The following CROCC variants were observed in gnomAD, a reference collection of about 807,000 sequenced individuals.
CROCC encodes the protein ciliary rootlet coiled-coil, rootletin, also known as rootletin.
Under a neutral mutation model 245.2 loss-of-function variants are expected in CROCC, and 180 were observed. That is an observed-to-expected ratio of 0.73 (90% CI 0.65 to 0.83). The LOEUF (loss-of-function observed/expected upper bound fraction) is 0.83. Among genes scored for constraint, CROCC ranks in the 40% least tolerant of loss-of-function variants. The probability of loss-of-function intolerance (pLI) is 0.00; values close to 1 mark genes in which losing one functional copy is unlikely to be tolerated. For synonymous variants in CROCC, 1,205 were observed against 1,241.6 expected (o/e 0.97, Z 0.62); for missense variants, 2,688 against 2,779.4 (o/e 0.97, Z 0.74).
chr1:16,950,924 C>A (rs750234015), intron 19 of CROCC, 29 bp from the exon 20 acceptor site: 1 of 1,492,430 alleles, frequency 6.7e-7, no homozygotes, highest in Non-Finnish European at 8.9e-7. Flanking sequence ...CAACCCAACC[C>A]TGCCCTTTCC....
chr1:16,944,694 G>A (rs1167609138), intron 14 of CROCC, among the ~76,000 whole-genome samples: 1 of 152,220 alleles, frequency 6.6e-6, no homozygotes, highest in Non-Finnish European at 1.5e-5. Flanking sequence ...CCATTTTGTG[G>A]ATGGTAAACT....
chr1:16,954,744 A>G lies in CROCC; in HGVS notation c.3332A>G (p.Asn1111Ser), dbSNP rs1055826612. ...SRQEQDRSTV[N>S]ALTSELRDLR... ...GCCCCTCTGTCCCAGAGCACCGTGA[A>G]CGCTCTGACGTCTGAGCTGCGGGAC... is the stretch of plus-strand genomic sequence containing the variant. The change falls in exon 23 of 37, where the codon AAC becomes AGC. Residue 1111 changes from asparagine (N) to serine (S), a missense_variant. This residue lies in a region of CROCC where 32 missense variants were observed against 54.1 expected (regional missense o/e 0.59). Coordinates refer to ENST00000375541, the MANE Select transcript of CROCC (RefSeq NM_014675.5). This position sits in a 1 kb window ranked among gnomAD's most constrained non-coding sequence, Gnocchi z 4.4. The G allele has an allele frequency of 3.9e-6, 6 of 1,555,102 alleles. No homozygotes were observed. Among genetic ancestry groups the G allele is most frequent in the Non-Finnish European group, 5.2e-6 (6 of 1,150,200 alleles).
At chr1:16,967,415 C>G (rs1158021718) in intron 30 of CROCC, among the ~76,000 whole-genome samples, 1 of 152,224 alleles carries the variant, frequency 6.6e-6, no homozygotes, top group East Asian at 1.9e-4. Flanking sequence ...GGCCTCTGGC[C>G]TGGGGCCGAG....
chr1:16,939,157 G>A lies in CROCC; in HGVS notation c.1608+15G>A. The A allele has an allele frequency of 6.9e-7, 1 of 1,456,466 alleles. No individual in the cohort carries two copies. The highest frequency in any genetic ancestry group is 9.0e-7 in the Non-Finnish European group (1 of 1,114,098). The allele number at this position is 1,456,466 out of a possible 1,614,324, so 90.2% of individuals were successfully genotyped here. A position where few individuals can be genotyped will look rare whatever the true frequency, so the allele number is the denominator to read the frequency against. ...TGCAGGTCCAGGTAGGAAGGGGCTT[G>A]AGCGTTCTGGGCGCAGCCAGAGGCC... On this transcript the variant is annotated intron_variant, in intron 12 of 36. Coordinates refer to ENST00000375541, the MANE Select transcript of CROCC (RefSeq NM_014675.5).
intron 14 of CROCC, 63 bp downstream of exon 14, chr1:16,944,345 C>T: frequency 1.4e-6 from 2 of 1,452,162 alleles, no homozygotes; most frequent in African/African-American, 1.4e-5. Context: ...CCTGACAGTG[C>T]CCCCCTGGGG....
rs2076091289 is a variant in CROCC, at chr1:16,948,198, G to A, written c.2515-133G>A. 9.9e-6 allele frequency: 14 copies of A among 1,407,736 alleles called. No individual in the cohort carries two copies. In the South Asian group the frequency reaches 1.7e-4, roughly 17 times the overall value. 87.2% of individuals were successfully genotyped at this position (1,407,736 alleles called of 1,614,324 possible). ...GTCATGACTTGCCCAAGTACATGTAGCACATCAGGGCAGACCCTGGGCTCA... is the reference window on the plus strand; with the variant it reads ...GTCATGACTTGCCCAAGTACATGTAACACATCAGGGCAGACCCTGGGCTCA... On this transcript the variant is annotated intron_variant, in intron 17 of 36. Coordinates refer to ENST00000375541, the MANE Select transcript of CROCC (RefSeq NM_014675.5).
upstream of CROCC, among the ~76,000 whole-genome samples, chr1:16,921,212 G>T (rs1174059377): frequency 1.3e-5 from 2 of 152,272 alleles, no homozygotes; most frequent in Admixed American, 6.5e-5. Context: ...TACGTAAGAG[G>T]ACACTGAGTC....
At chr1:16,947,309 T>A (rs1257247150) in intron 17 of CROCC, among the ~76,000 whole-genome samples, 3 of 152,164 alleles carry the variant, frequency 2.0e-5, no homozygotes, top group Non-Finnish European at 2.9e-5. Context: ...AAACCCTATC[T>A]CTACAAAAAA....
At chr1:16,920,346 G>T (rs1292089008), upstream of CROCC, among the ~76,000 whole-genome samples, 2 of 152,218 alleles carry the variant, frequency 1.3e-5, no homozygotes, top group Non-Finnish European at 2.9e-5. Context: ...CAAAGTGCTG[G>T]GATTACAGGC....
intron 27 of CROCC, among the ~76,000 whole-genome samples, chr1:16,964,760 G>A (rs1053549286): frequency 5.3e-5 from 8 of 152,196 alleles, no homozygotes. Context: ...TAGGAACACT[G>A]CGAGCTCCGC....
At position 16,969,904 on chromosome 1, in the gene CROCC, G is replaced by C. The variant is rs1316657916; in HGVS notation, c.5421G>C (p.Glu1807Asp). ...CTGACCTGGAACTGCAGCGGGTGGA[G>C]GCCGAGGGCCAGCTACAACAGCTAC... Reference protein sequence around the residue: ...EVADLELQRVEAEGQLQQLRE... With the variant: ...EVADLELQRVDAEGQLQQLRE... Residue 1807 changes from glutamate to aspartate, a missense_variant, in exon 33 of 37, where the codon GAG becomes GAC. This residue lies in a region of CROCC where 1,218 missense variants were observed against 1,286.3 expected (regional missense o/e 0.95). Transcript: ENST00000375541. The C allele has an allele frequency of 1.2e-6, 2 of 1,606,672 alleles. No individual in the cohort carries two copies. Among genetic ancestry groups the C allele is most frequent in the South Asian group, 2.2e-5 (2 of 89,744 alleles).
chr1:16,938,799 G>C (rs1281350799), intron 11 of CROCC, 110 bp from the exon 12 acceptor site: 3 of 1,087,434 alleles, frequency 2.8e-6, no homozygotes, highest in Admixed American at 5.1e-5. Context: ...TCTTGTAAGA[G>C]GCAGCATTTG....
chr1:16,926,835 G>C (rs1227278116), intron 3 of CROCC, among the ~76,000 whole-genome samples: 1 of 152,290 alleles, frequency 6.6e-6, no homozygotes, highest in Non-Finnish European at 1.5e-5. Context: ...GCAGTTGCTA[G>C]GGGAGACAGT....
In CROCC at chr1:16,972,492, A is replaced by T; in HGVS notation, c.*46A>T. ...AACACCCCTGTGCCTGGGACAGGGG[A>T]GGACCCTTCTTTTGGACAGCCCCCC... On this transcript the variant is annotated 3_prime_UTR_variant, in exon 37 of 37. Transcript: ENST00000375541. 72 of 1,322,942 alleles carry T rather than the reference A, an allele frequency of 5.4e-5. No homozygotes were observed. The highest frequency in any genetic ancestry group is 6.9e-5 in the Non-Finnish European group (66 of 953,600). 82.0% of individuals were successfully genotyped at this position (1,322,942 alleles called of 1,614,324 possible).
chr1:16,957,435 T>A (rs1300296029), intron 25 of CROCC, among the ~76,000 whole-genome samples: 6 of 152,114 alleles, frequency 3.9e-5, no homozygotes, highest in East Asian at 3.9e-4. Flanking sequence ...TTTTAATTTT[T>A]ATTTTATTTA....
intron 13 of CROCC, among the ~76,000 whole-genome samples, chr1:16,941,710 C>T (rs1279324926): frequency 4.7e-5 from 7 of 149,504 alleles, no homozygotes; most frequent in Non-Finnish European, 7.4e-5. Context: ...CCAGCCTGAG[C>T]GACAGAGCAA....
At chr1:16,914,986 AGACGACAGC>A (rs1378133845) in intron 1 of CROCC, among the ~76,000 whole-genome samples, 1 of 152,218 alleles carries the variant, frequency 6.6e-6, no homozygotes, top group Non-Finnish European at 1.5e-5. Flanking sequence ...TGGCGGGAGC[AGACGACAGC>A]GAGGTTCAGG....
At chr1:16,969,377 G>T in intron 32 of CROCC, 37 bp downstream of exon 32, 1 of 1,573,850 alleles carries the variant, frequency 6.4e-7, no homozygotes, top group Non-Finnish European at 8.6e-7. Context: ...TGGGCCCAGT[G>T]AGAGAGTCAG....
chr1:16,918,738 G>GTTTTTT (rs68022839), upstream of CROCC, among the ~76,000 whole-genome samples: 39 of 144,042 alleles, frequency 2.7e-4, 5 homozygotes, highest in Admixed American at 6.3e-4. Flanking sequence ...TTAGTTTTTT[G>GTTTTTT]TTTTTGTTTT....
Sources: allele counts gnomAD v4.1 joint callset (sites outside exome capture counted in the v4.1 genomes callset), GRCh38; gene constraint gnomAD v4.1.1; regional missense constraint gnomAD v4.1.1; non-coding constraint Gnocchi (gnomAD v3.1); transcripts MANE v1.5; gene names NCBI Gene and HGNC (gene_info 2026-07-23, HGNC 2026-07-21).